Variants in IGF1R observed in about 807,000 individuals in gnomAD.
The protein encoded by IGF1R is insulin-like growth factor 1 receptor.
A neutral mutation model predicts 144.6 loss-of-function variants in IGF1R; 44 were observed. The observed-to-expected ratio is 0.30, with a 90% CI of 0.24 to 0.39. The LOEUF (loss-of-function observed/expected upper bound fraction) is 0.39. IGF1R is among the 10% of genes least tolerant of loss of function. The probability of loss-of-function intolerance (pLI) is 1.00; values close to 1 mark genes in which losing one functional copy is unlikely to be tolerated. For missense variants in IGF1R, 1,355 were observed against 1,833.7 expected (o/e 0.74, Z 4.77); for synonymous variants, 795 against 722.8 (o/e 1.10, Z -1.60).
At chr15:98,855,937 A>C (rs781401584) in intron 2 of IGF1R, among the ~76,000 whole-genome samples, 108 of 152,352 alleles carry the variant, frequency 7.1e-4, no homozygotes, top group Non-Finnish European at 1.4e-3. Flanking sequence ...TTGCAGAAGG[A>C]GGCCAGTTAC....
intron 1 of IGF1R, among the ~76,000 whole-genome samples, chr15:98,653,527 G>A (rs2052418626): frequency 6.6e-6 from 1 of 152,190 alleles, no homozygotes; most frequent in Admixed American, 6.5e-5. Context: ...CTGAGCAGGA[G>A]AAAGAATCTT....
chr15:98,949,471 C>T (rs1370050371), intron 20 of IGF1R, among the ~76,000 whole-genome samples: 2 of 151,638 alleles, frequency 1.3e-5, no homozygotes, highest in Non-Finnish European at 2.9e-5. Flanking sequence ...CTCTGCCTCC[C>T]GGGTTCAAGC....
chr15:98,662,772 T>C (rs1409521134), intron 1 of IGF1R, among the ~76,000 whole-genome samples: 1 of 152,138 alleles, frequency 6.6e-6, no homozygotes, highest in Non-Finnish European at 1.5e-5. Context: ...CCCTAAATAT[T>C]TGACTCTCAA....
intron 2 of IGF1R, among the ~76,000 whole-genome samples, chr15:98,815,511 G>A (rs1374991430): frequency 1.3e-5 from 2 of 152,192 alleles, no homozygotes; most frequent in Non-Finnish European, 2.9e-5. Context: ...TGTTTGTTTG[G>A]GAAAAGCTAT....
intron 2 of IGF1R, among the ~76,000 whole-genome samples, chr15:98,790,685 C>T (rs936828398): frequency 1.3e-5 from 2 of 152,136 alleles, no homozygotes; most frequent in African/African-American, 2.4e-5. Context: ...CCAGAGTCTT[C>T]CCTTAAGGAA....
Position 98,673,577 on chromosome 15 carries a change from C to T in IGF1R, c.94+23902C>T, listed in dbSNP as rs894653000. Among the ~76,000 whole-genome samples the T allele has an allele frequency of 5.3e-5, 8 of 152,172 alleles. No individual in the cohort carries two copies. The South Asian group carries it at 8.3e-4, about 16-fold the overall frequency. On this transcript the variant is annotated intron_variant, in intron 1 of 20. Coordinates refer to ENST00000650285, the MANE Select transcript of IGF1R (RefSeq NM_000875.5). ...TAGCCTTACAGATCATTTTTGAAAA[C>T]ACCTGTGCTTGCCTTGAATGGGGCG...
At chr15:98,672,101 A>T (rs2052908015) in intron 1 of IGF1R, among the ~76,000 whole-genome samples, 1 of 152,154 alleles carries the variant, frequency 6.6e-6, no homozygotes, top group Admixed American at 6.5e-5. Context: ...TTCCCTCATA[A>T]TGTTTAATGT....
intron 15 of IGF1R, among the ~76,000 whole-genome samples, chr15:98,931,969 CT>C (rs1358062705): frequency 6.6e-6 from 1 of 152,212 alleles, no homozygotes; most frequent in Non-Finnish European, 1.5e-5. Context: ...GGCAAGACCA[CT>C]TTCTCCCTCT....
chr15:98,675,935 A>C (rs2053030640), intron 1 of IGF1R, among the ~76,000 whole-genome samples: 1 of 143,452 alleles, frequency 7.0e-6, no homozygotes, highest in African/African-American at 2.6e-5. Context: ...AAGTGATTCT[A>C]CTGCCTCAGC....
intron 2 of IGF1R, among the ~76,000 whole-genome samples, chr15:98,716,289 T>G (rs2054114093): frequency 6.6e-6 from 1 of 152,224 alleles, no homozygotes; most frequent in Non-Finnish European, 1.5e-5. Context: ...CTGATCTGCC[T>G]GTGTGTTCGT....
Position 98,959,738 on chromosome 15 carries a change from G to C in IGF1R, c.*2296G>C, listed in dbSNP as rs552589054. The stretch of plus-strand genomic sequence containing the variant: ...AGTAAGAACAAAGCTGGGATACGGT[G>C]ATTGCTAGTTGTGACTGAAGATTCA... On this transcript the variant is annotated 3_prime_UTR_variant, in exon 21 of 21. Coordinates refer to ENST00000650285, the MANE Select transcript of IGF1R (RefSeq NM_000875.5). The C allele has an allele frequency of 1.7e-5, 4 of 233,520 alleles. No individual in the cohort carries two copies. The East Asian group carries it at 2.4e-4, about 14-fold the overall frequency. The allele number at this position is 233,520 out of a possible 1,614,324, so 14.5% of individuals were successfully genotyped here.
intron 2 of IGF1R, among the ~76,000 whole-genome samples, chr15:98,777,704 C>T (rs1268321591): frequency 1.3e-5 from 2 of 152,244 alleles, no homozygotes; most frequent in Admixed American, 1.3e-4. Flanking sequence ...AGTGCATCCT[C>T]ACAGTTGATG....
intron 2 of IGF1R, among the ~76,000 whole-genome samples, chr15:98,807,431 C>G (rs938749934): frequency 3.9e-5 from 6 of 152,198 alleles, no homozygotes; most frequent in Non-Finnish European, 5.9e-5. Flanking sequence ...GCAATAAATG[C>G]ACTGCTTTGT....
At chr15:98,943,793 G>A (rs781697416) in intron 19 of IGF1R, among the ~76,000 whole-genome samples, 12 of 152,184 alleles carry the variant, frequency 7.9e-5, no homozygotes, top group Admixed American at 2.0e-4. Context: ...GGGGGATCCC[G>A]TTGCTGTTGT....
intron 2 of IGF1R, among the ~76,000 whole-genome samples, chr15:98,830,994 A>G (rs1471441579): frequency 2.6e-5 from 4 of 152,134 alleles, no homozygotes; most frequent in Non-Finnish European, 5.9e-5. Context: ...AAGAAGAGAA[A>G]GAGAGACGCC....
chr15:98,875,617 C>A (rs761051585), intron 2 of IGF1R, among the ~76,000 whole-genome samples: 56 of 152,150 alleles, frequency 3.7e-4, no homozygotes, highest in Non-Finnish European at 7.5e-4. Context: ...GTGCTTTCCA[C>A]TGTAGAGCTG....
At chr15:98,879,869 C>T (rs540213086) in intron 2 of IGF1R, among the ~76,000 whole-genome samples, 5 of 152,270 alleles carry the variant, frequency 3.3e-5, no homozygotes, top group African/African-American at 1.2e-4. Context: ...TAAAAGAAGC[C>T]AGTCACAAAA....
chr15:98,879,186 C>T (rs2013243243), intron 2 of IGF1R, among the ~76,000 whole-genome samples: 1 of 152,044 alleles, frequency 6.6e-6, no homozygotes, highest in African/African-American at 2.4e-5. Context: ...ATCTCTCTTT[C>T]CCAAATGTAT....
intron 1 of IGF1R, among the ~76,000 whole-genome samples, chr15:98,657,982 G>A (rs2052523562): frequency 6.6e-6 from 1 of 152,170 alleles, no homozygotes; most frequent in Non-Finnish European, 1.5e-5. Context: ...ACCAGTTCCT[G>A]TACCATTCCC....
Sources: allele counts gnomAD v4.1 joint callset (sites outside exome capture counted in the v4.1 genomes callset), GRCh38; gene constraint gnomAD v4.1.1; transcripts MANE v1.5; gene names NCBI Gene and HGNC (gene_info 2026-07-23, HGNC 2026-07-21).